TENM4: variants seen among roughly 807,000 people sequenced by gnomAD.
The protein encoded by TENM4 is teneurin transmembrane protein 4, also known as teneurin-4.
TENM4 carries 82 observed loss-of-function variants against 243.3 expected under a neutral mutation model. That is an observed-to-expected ratio of 0.34 (90% confidence interval 0.28 to 0.40). The LOEUF (loss-of-function observed/expected upper bound fraction) is 0.40, where lower values mean the gene tolerates loss of function less well. Among genes scored for constraint, TENM4 ranks in the 10% least tolerant of loss-of-function variants. The probability of loss-of-function intolerance (pLI) is 1.00; values close to 1 mark genes in which losing one functional copy is unlikely to be tolerated. For missense variants in TENM4, 3,138 were observed against 3,673.3 expected (o/e 0.85, Z 3.77); for synonymous variants, 1,412 against 1,456.3 (o/e 0.97, Z 0.69).
chr11:79,250,013 T>C (rs957081202), intron 2 of TENM4, among the ~76,000 whole-genome samples: 1 of 152,128 alleles, frequency 6.6e-6, no homozygotes, highest in Non-Finnish European at 1.5e-5. Context: ...TTAGATGGAG[T>C]CTTGCTCTGT....
chr11:79,147,567 G>A (rs72935342), intron 4 of TENM4, among the ~76,000 whole-genome samples: 8,390 of 152,068 alleles, frequency 0.055, 339 homozygotes, highest in Non-Finnish European at 0.078. Context: ...GAGTATGCCC[G>A]TTCTTTTCTC....
intron 6 of TENM4, among the ~76,000 whole-genome samples, chr11:78,930,857 C>T (rs1262058438): frequency 1.3e-5 from 2 of 152,186 alleles, no homozygotes; most frequent in Non-Finnish European, 2.9e-5. Context: ...AAAAATTCGA[C>T]ACACTCTAAC....
At chr11:78,977,727 G>C (rs933045179) in intron 6 of TENM4, among the ~76,000 whole-genome samples, 4 of 152,238 alleles carry the variant, frequency 2.6e-5, no homozygotes, top group African/African-American at 9.6e-5. Context: ...AGGATGTGGA[G>C]AAAGAGGAAG....
intron 28 of TENM4, among the ~76,000 whole-genome samples, chr11:78,697,723 G>A (rs1292344741): frequency 6.6e-6 from 1 of 152,192 alleles, no homozygotes; most frequent in Non-Finnish European, 1.5e-5. Context: ...TAGTTAAGGT[G>A]AGCATAATTA....
intron 2 of TENM4, among the ~76,000 whole-genome samples, chr11:79,284,975 C>T (rs976547027): frequency 6.6e-5 from 10 of 152,264 alleles, no homozygotes; most frequent in East Asian, 5.8e-4. Flanking sequence ...CGGTGGCTCA[C>T]GCCTGTAATC....
chr11:79,093,903 A>G (rs1438494196), intron 4 of TENM4: 9 of 152,266 alleles, frequency 5.9e-5, no homozygotes, highest in Admixed American at 5.9e-4. Context: ...GTTTAGGCTT[A>G]TGCTGTCCAA....
In TENM4 at chr11:79,399,100, C is replaced by A. The variant is rs1298319061; in HGVS notation, c.-321+41409G>T. Among the ~76,000 whole-genome samples the A allele has an allele frequency of 2.6e-5, 4 of 152,200 alleles. No individual in the cohort carries two copies. In the East Asian group the frequency reaches 5.8e-4, roughly 22 times the overall value. ...TCACTGTAACTACCCTGTATCATGACTTTCCATAGGCAGAAACATAAAGAC... is the reference window on the plus strand; with the variant it reads ...TCACTGTAACTACCCTGTATCATGAATTTCCATAGGCAGAAACATAAAGAC... On this transcript the variant is annotated intron_variant, in intron 1 of 33. Coordinates refer to ENST00000278550, the MANE Select transcript of TENM4 (RefSeq NM_001098816.3).
chr11:78,913,583 A>ATGTGTGTGTGTGTG (rs55835050), intron 6 of TENM4, among the ~76,000 whole-genome samples: 12 of 141,840 alleles, frequency 8.5e-5, no homozygotes, highest in African/African-American at 3.0e-4. Flanking sequence ...GGTAAGAGGT[A>ATGTGTGTGTGTGTG]TGTGTGTGTG....
At chr11:78,989,874 C>T (rs1485607146) in intron 6 of TENM4, among the ~76,000 whole-genome samples, 4 of 151,748 alleles carry the variant, frequency 2.6e-5, no homozygotes, top group East Asian at 3.9e-4. Flanking sequence ...GACAACATAA[C>T]GAAACCCCAT....
At chr11:79,070,115 G>C in intron 4 of TENM4, 106 bp from the exon 5 acceptor site, 1 of 1,359,208 alleles carries the variant, frequency 7.4e-7, no homozygotes, top group South Asian at 1.5e-5. Context: ...AGAACCCCAG[G>C]CAGTGGAGGA....
At chr11:78,888,164 C>T (rs1020158639) in intron 9 of TENM4, among the ~76,000 whole-genome samples, 1 of 152,180 alleles carries the variant, frequency 6.6e-6, no homozygotes. Context: ...ATACAATGAC[C>T]CATAGCAGGG....
chr11:79,070,132 A>AC, intron 4 of TENM4, 123 bp from the exon 5 acceptor site: 13 of 1,183,696 alleles, frequency 1.1e-5, no homozygotes, highest in East Asian at 2.6e-5. Context: ...AGGAGAGGGT[A>AC]CCGCTCCACC....
chr11:79,325,277 A>G (rs771529163), intron 1 of TENM4, among the ~76,000 whole-genome samples: 1 of 152,142 alleles, frequency 6.6e-6, no homozygotes, highest in African/African-American at 2.4e-5. Context: ...GAGGCCCAAC[A>G]CGGGCCATAC....
At chr11:79,339,545 A>T (rs1396671739) in intron 1 of TENM4, among the ~76,000 whole-genome samples, 1 of 152,018 alleles carries the variant, frequency 6.6e-6, no homozygotes, top group Admixed American at 6.6e-5. Flanking sequence ...CCCTACTATT[A>T]CTATGGAATC....
chr11:78,652,976 T>G lies in TENM4; in HGVS notation c.*5082A>C, dbSNP rs1355856369. ...GTTGGGTTCGTTGGCCCCTTCAGCCTGTCCCTGAACGAGGGCAGCAGTGGG... is the reference window on the plus strand; with the variant it reads ...GTTGGGTTCGTTGGCCCCTTCAGCCGGTCCCTGAACGAGGGCAGCAGTGGG... On this transcript the variant is annotated 3_prime_UTR_variant, in exon 34 of 34. Transcript: ENST00000278550. The G allele has an allele frequency of 2.0e-5, 3 of 152,254 alleles. No homozygotes were observed. The highest frequency in any genetic ancestry group is 4.4e-5 in the Non-Finnish European group (3 of 68,052). The allele number at this position is 152,254 out of a possible 1,614,324, so 9.4% of individuals were successfully genotyped here.
intron 15 of TENM4, 25 bp downstream of exon 15, chr11:78,805,267 A>G (rs1857364507): frequency 5.5e-5 from 1 of 18,092 alleles, no homozygotes; most frequent in Non-Finnish European, 9.4e-5. Flanking sequence ...CCCTCTACCC[A>G]TGCTTCTTCT....
At chr11:78,923,092 C>G (rs942193799) in intron 6 of TENM4, among the ~76,000 whole-genome samples, 3 of 152,106 alleles carry the variant, frequency 2.0e-5, no homozygotes. Context: ...GGAGGCAGAG[C>G]AGTGAACACT....
chr11:78,885,684 C>T (rs1360206662), intron 9 of TENM4, among the ~76,000 whole-genome samples: 1 of 152,200 alleles, frequency 6.6e-6, no homozygotes, highest in Non-Finnish European at 1.5e-5. Context: ...TGTTGGGAAG[C>T]TGAGGCAGGA....
chr11:79,296,729 C>T (rs1856461034), intron 2 of TENM4, among the ~76,000 whole-genome samples: 2 of 152,210 alleles, frequency 1.3e-5, no homozygotes, highest in African/African-American at 4.8e-5. Context: ...GGCTTTGGCC[C>T]ACTCTTTCAG....
Sources: gnomAD v4.1 joint callset for allele counts (sites outside exome capture counted in the v4.1 genomes callset) on GRCh38, gnomAD v4.1.1 for gene constraint, MANE v1.5 for transcripts, NCBI Gene and HGNC (gene_info 2026-07-23, HGNC 2026-07-21) for gene names.